BICC1: variants seen among roughly 807,000 people sequenced by gnomAD.
BICC1 encodes the protein protein bicaudal C homolog 1.
Under a neutral mutation model 111.0 loss-of-function variants are expected in BICC1, and 43 were observed. That is an observed-to-expected ratio of 0.39 (90% CI 0.30 to 0.50). The LOEUF (loss-of-function observed/expected upper bound fraction) is 0.50, where lower values mean the gene tolerates loss of function less well. Ranked by LOEUF, BICC1 falls within the 20% of genes least tolerant of loss-of-function variation. BICC1 has a pLI of 0.88. For synonymous variants in BICC1, 467 were observed against 434.4 expected (o/e 1.07, Z -0.93); for missense variants, 1,091 against 1,203.2 (o/e 0.91, Z 1.38).
chr10:58,638,875 TTTTTCTCTTCTCTTTTTTC>T (rs1243463758), intron 2 of BICC1, among the ~76,000 whole-genome samples: 13 of 151,046 alleles, frequency 8.6e-5, no homozygotes, highest in African/African-American at 2.9e-4. Context: ...TCTCTTCTCT[TTTTTCTCTTCTCTTTTTTC>T]TTTTCTTTTC....
At chr10:58,772,706 G>A (rs1043328385) in intron 3 of BICC1, among the ~76,000 whole-genome samples, 2 of 152,068 alleles carry the variant, frequency 1.3e-5, no homozygotes, top group African/African-American at 4.8e-5. Flanking sequence ...GTTATAGGCC[G>A]GTTTGTTTAC....
intron 3 of BICC1, among the ~76,000 whole-genome samples, chr10:58,748,476 A>G (rs896589526): frequency 6.6e-6 from 1 of 151,938 alleles, no homozygotes; most frequent in African/African-American, 2.4e-5. Context: ...GGGGGTGGGG[A>G]GAATGAAAAT....
At chr10:58,656,854 G>A (rs1012901541) in intron 2 of BICC1, among the ~76,000 whole-genome samples, 3 of 152,118 alleles carry the variant, frequency 2.0e-5, no homozygotes, top group South Asian at 2.1e-4. Context: ...CGGAACTTCC[G>A]ACCTTCAGTA....
intron 1 of BICC1, among the ~76,000 whole-genome samples, chr10:58,612,559 G>T: frequency 6.7e-6 from 1 of 148,428 alleles, no homozygotes; most frequent in East Asian, 2.0e-4. Context: ...TGACCGAAAA[G>T]CACAGCAGCC....
rs1844523490 is a variant in BICC1, at chr10:58,830,489, A to G, written c.*1598A>G. The G allele has an allele frequency of 6.6e-6, 1 of 152,196 alleles. No homozygotes were observed. Among genetic ancestry groups the G allele is most frequent in the Admixed American group, 6.5e-5 (1 of 15,282 alleles). 9.4% of individuals were successfully genotyped at this position (152,196 alleles called of 1,614,324 possible). A position where few individuals can be genotyped will look rare whatever the true frequency, so the allele number is the denominator to read the frequency against. On this transcript the variant is annotated 3_prime_UTR_variant, in exon 21 of 21. Coordinates refer to ENST00000373886, the MANE Select transcript of BICC1 (RefSeq NM_001080512.3). Reference sequence around the variant, plus strand: ...AGAAGGCATTAGATAAGCATATACAAGAATTGGGTACTTTTATACAAATAT... The same window carrying G: ...AGAAGGCATTAGATAAGCATATACAGGAATTGGGTACTTTTATACAAATAT...
chr10:58,684,707 G>C (rs11511041), intron 2 of BICC1, among the ~76,000 whole-genome samples: 450 of 152,140 alleles, frequency 3.0e-3, no homozygotes, highest in Non-Finnish European at 5.5e-3. Context: ...TATTTCTGTG[G>C]GATCGGTGGT....
At chr10:58,629,428 G>A (rs189520913) in intron 2 of BICC1, among the ~76,000 whole-genome samples, 123 of 151,920 alleles carry the variant, frequency 8.1e-4, no homozygotes, top group African/African-American at 2.8e-3. Context: ...TATTTAAATC[G>A]GCAATTATCA....
chr10:58,793,706 T>A, intron 9 of BICC1, 91 bp downstream of exon 9: 1 of 1,402,496 alleles, frequency 7.1e-7, no homozygotes, highest in Non-Finnish European at 9.9e-7. Flanking sequence ...TGCATATACA[T>A]GAAACTGTTA....
rs537978274 is a variant in BICC1, at chr10:58,785,552, G to A, written c.387+472G>A. Among the ~76,000 whole-genome samples the A allele has an allele frequency of 1.4e-4, 22 of 151,996 alleles. 1 individual carries two copies. The highest frequency in any genetic ancestry group is 1.2e-3 in the Admixed American group (19 of 15,242). The stretch of plus-strand genomic sequence containing the variant: ...TTGTTGCTTGCTTTTGTGTGATCAC[G>A]TGATGTCTCTCTCTCTCTCTCTCTG... On this transcript the variant is annotated intron_variant, in intron 4 of 20. Transcript: ENST00000373886.
At chr10:58,611,530 C>A (rs114554518) in intron 1 of BICC1, among the ~76,000 whole-genome samples, 1 of 150,556 alleles carries the variant, frequency 6.6e-6, no homozygotes, top group African/African-American at 2.4e-5. Flanking sequence ...GGCTGGAGTA[C>A]AGTGTCATGA....
At chr10:58,622,549 T>A (rs1168453574) in intron 2 of BICC1, among the ~76,000 whole-genome samples, 5 of 152,226 alleles carry the variant, frequency 3.3e-5, no homozygotes, top group African/African-American at 1.2e-4. Flanking sequence ...TGGTCACAGA[T>A]TAATGAGGTC....
chr10:58,582,297 C>T (rs925887161), intron 1 of BICC1, among the ~76,000 whole-genome samples: 6 of 152,168 alleles, frequency 3.9e-5, no homozygotes, highest in Admixed American at 3.3e-4. Context: ...TTTCTACATT[C>T]TTACTAACAT....
At chr10:58,701,932 TC>T in intron 2 of BICC1, 141 bp from the exon 3 acceptor site, 1 of 564,000 alleles carries the variant, frequency 1.8e-6, no homozygotes, top group Non-Finnish European at 3.1e-6. Flanking sequence ...GTTTTTTTTT[TC>T]TTTGCATTGT....
chr10:58,688,043 G>A (rs940258336), intron 2 of BICC1, among the ~76,000 whole-genome samples: 14 of 152,234 alleles, frequency 9.2e-5, no homozygotes, highest in African/African-American at 3.4e-4. Context: ...GTTCCTCCCG[G>A]TGGGTTCGTG....
intron 1 of BICC1, among the ~76,000 whole-genome samples, chr10:58,562,912 G>T (rs1052882808): frequency 1.3e-5 from 2 of 152,190 alleles, no homozygotes; most frequent in African/African-American, 4.8e-5. Context: ...GGGTGTTTCT[G>T]TAGGCAGTGG....
At position 58,758,269 on chromosome 10, in the gene BICC1, G is replaced by T. The variant is rs532549016; in HGVS notation, c.308-26732G>T. 9.7e-4 allele frequency among the ~76,000 whole-genome samples: 148 copies of T among 152,242 alleles called. 3 individuals are homozygous for T. In the South Asian group the frequency reaches 0.024, roughly 24 times the overall value. On this transcript the variant is annotated intron_variant, in intron 3 of 20. Coordinates refer to ENST00000373886, the MANE Select transcript of BICC1 (RefSeq NM_001080512.3). ...CGGTTCCCAAGTGTGTGTTTAGCATGTGCCATATATACTTATAGATTTGAC... is the reference window on the plus strand; with the variant it reads ...CGGTTCCCAAGTGTGTGTTTAGCATTTGCCATATATACTTATAGATTTGAC...
chr10:58,523,248 A>C (rs9416703), intron 1 of BICC1, among the ~76,000 whole-genome samples: 69,875 of 151,878 alleles, frequency 0.46, 17,130 homozygotes, highest in Admixed American at 0.62. Flanking sequence ...AGAGCACAAC[A>C]AAAAAAGGGA....
chr10:58,525,568 G>C (rs1241314043), intron 1 of BICC1, among the ~76,000 whole-genome samples: 1 of 119,004 alleles, frequency 8.4e-6, no homozygotes. Flanking sequence ...GTTGTGGGGT[G>C]GGGGGAGGGG....
chr10:58,738,085 T>G (rs1273666548), intron 3 of BICC1, among the ~76,000 whole-genome samples: 1 of 152,212 alleles, frequency 6.6e-6, no homozygotes, highest in Non-Finnish European at 1.5e-5. Flanking sequence ...AGAAGCTCTT[T>G]AGTTTAATTA....
Sources: gnomAD v4.1 joint callset for allele counts (sites outside exome capture counted in the v4.1 genomes callset) on GRCh38, gnomAD v4.1.1 for gene constraint, MANE v1.5 for transcripts, NCBI Gene and HGNC (gene_info 2026-07-23, HGNC 2026-07-21) for gene names.